The following DOCK3 variants were observed in gnomAD, a reference collection of about 807,000 sequenced individuals.
DOCK3 encodes dedicator of cytokinesis protein 3.
DOCK3 carries 60 observed loss-of-function variants against 265.6 expected under a neutral mutation model. That is an observed-to-expected ratio of 0.23 (90% CI 0.18 to 0.28). The LOEUF is 0.28. Among genes scored for constraint, DOCK3 ranks in the 10% least tolerant of loss-of-function variants. DOCK3 has a pLI of 1.00. For synonymous variants in DOCK3, 881 were observed against 938.0 expected (o/e 0.94, Z 1.11); for missense variants, 1,981 against 2,594.3 (o/e 0.76, Z 5.14).
intron 2 of DOCK3, among the ~76,000 whole-genome samples, chr3:50,798,248 T>C (rs1278684612): frequency 6.6e-6 from 1 of 152,102 alleles, no homozygotes; most frequent in East Asian, 1.9e-4. Flanking sequence ...AAGAGCAAAA[T>C]GTAGAGAAAA....
chr3:50,992,897 C>T (rs560062025), intron 5 of DOCK3, among the ~76,000 whole-genome samples: 5 of 152,102 alleles, frequency 3.3e-5, no homozygotes, highest in Admixed American at 1.3e-4. Flanking sequence ...ATTAGCCTAT[C>T]GATCAAAAAA....
chr3:50,978,500 GT>G (rs1559890640), intron 5 of DOCK3, among the ~76,000 whole-genome samples: 1 of 152,146 alleles, frequency 6.6e-6, no homozygotes, highest in African/African-American at 2.4e-5. Context: ...CAGTCTGCCC[GT>G]TCTCAGATCT....
At chr3:51,058,936 CTTTTA>C (rs1277244258) in intron 5 of DOCK3, among the ~76,000 whole-genome samples, 4 of 151,758 alleles carry the variant, frequency 2.6e-5, no homozygotes, top group African/African-American at 4.8e-5. Context: ...ATCATTTTAA[CTTTTA>C]TTTTAGATCT....
chr3:50,974,905 G>A, intron 5 of DOCK3, among the ~76,000 whole-genome samples: 1 of 122,346 alleles, frequency 8.2e-6, no homozygotes, highest in Non-Finnish European at 1.7e-5. Context: ...TGAAGCAATT[G>A]TGAATGGGAG....
At chr3:50,977,043 A>G (rs1469427918) in intron 5 of DOCK3, among the ~76,000 whole-genome samples, 4 of 149,632 alleles carry the variant, frequency 2.7e-5, no homozygotes, top group African/African-American at 7.3e-5. Flanking sequence ...GTGTCTCTGC[A>G]TGTGAGATGG....
intron 9 of DOCK3, among the ~76,000 whole-genome samples, chr3:51,139,675 ATAAT>A (rs2084961289): frequency 1.3e-5 from 2 of 152,232 alleles, no homozygotes; most frequent in African/African-American, 4.8e-5. Flanking sequence ...AAGAAAGAAA[ATAAT>A]TAGTTTGTGC....
chr3:51,232,353 T>C (rs1406349264), intron 19 of DOCK3, among the ~76,000 whole-genome samples: 1 of 152,218 alleles, frequency 6.6e-6, no homozygotes, highest in African/African-American at 2.4e-5. Flanking sequence ...CGTGTATCTT[T>C]TTCATGTAAT....
At chr3:50,687,495 A>G (rs2034909909) in intron 1 of DOCK3, among the ~76,000 whole-genome samples, 1 of 152,222 alleles carries the variant, frequency 6.6e-6, no homozygotes, top group African/African-American at 2.4e-5. Flanking sequence ...CTGGCCAGTG[A>G]TCTACCTTTA....
chr3:51,376,969 C>T (rs948413083), intron 51 of DOCK3, among the ~76,000 whole-genome samples: 1 of 152,268 alleles, frequency 6.6e-6, no homozygotes, highest in Non-Finnish European at 1.5e-5. Flanking sequence ...TGACCCAAAA[C>T]AGAGTGCCCT....
intron 5 of DOCK3, among the ~76,000 whole-genome samples, chr3:51,043,855 G>A (rs752308263): frequency 1.3e-5 from 2 of 152,002 alleles, no homozygotes; most frequent in Non-Finnish European, 2.9e-5. Context: ...TTAGAGAAAT[G>A]CAAATCAAAA....
chr3:51,264,267 A>G (rs951051751), intron 23 of DOCK3, among the ~76,000 whole-genome samples: 7 of 152,148 alleles, frequency 4.6e-5, no homozygotes, highest in African/African-American at 1.4e-4. Flanking sequence ...ACTCAAAACC[A>G]CACAACTACA....
intron 12 of DOCK3, among the ~76,000 whole-genome samples, chr3:51,202,852 G>C (rs1268780318): frequency 6.6e-6 from 1 of 151,308 alleles, no homozygotes; most frequent in East Asian, 1.9e-4. Context: ...GGGATGCAAG[G>C]CTGGTTCAAT....
chr3:51,164,807 GA>G (rs2086305850), intron 12 of DOCK3, among the ~76,000 whole-genome samples: 1 of 152,130 alleles, frequency 6.6e-6, no homozygotes, highest in Non-Finnish European at 1.5e-5. Context: ...GTGATGACTG[GA>G]AGGGAACTGC....
intron 12 of DOCK3, among the ~76,000 whole-genome samples, chr3:51,171,116 T>C (rs1473711116): frequency 6.6e-6 from 1 of 152,204 alleles, no homozygotes; most frequent in Non-Finnish European, 1.5e-5. Flanking sequence ...TATTTTTTAG[T>C]TCCTTGAGAT....
chr3:51,118,858 T>C (rs572400127), intron 9 of DOCK3, among the ~76,000 whole-genome samples: 1 of 152,276 alleles, frequency 6.6e-6, no homozygotes, highest in South Asian at 2.1e-4. Context: ...ATTTTGACCC[T>C]ATGTGTGTTT....
In DOCK3 at chr3:50,699,523, G is replaced by A. The variant is rs568443029; in HGVS notation, c.37+24223G>A. On this transcript the variant is annotated intron_variant, in intron 1 of 52. Coordinates refer to ENST00000266037, the MANE Select transcript of DOCK3 (RefSeq NM_004947.5). ...GCTGGAGTGCAGTGGCACGATCTCT[G>A]CTTGCTGCAACCTCTGCCTCCTGGG... 1.8e-4 allele frequency among the ~76,000 whole-genome samples: 27 copies of A among 147,806 alleles called. 1 individual carries two copies. The South Asian group carries it at 5.5e-3, about 30-fold the overall frequency.
intron 2 of DOCK3, among the ~76,000 whole-genome samples, chr3:50,805,393 A>C (rs2043348445): frequency 6.6e-6 from 1 of 152,124 alleles, no homozygotes; most frequent in Non-Finnish European, 1.5e-5. Flanking sequence ...TAGATCAGCC[A>C]ACTTGGGGTA....
At chr3:50,799,800 GT>G (rs1553663681) in intron 2 of DOCK3, among the ~76,000 whole-genome samples, 1 of 152,032 alleles carries the variant, frequency 6.6e-6, no homozygotes, top group Non-Finnish European at 1.5e-5. Context: ...AAAGCTTTCA[GT>G]TTTTTCCCCA....
At chr3:50,923,966 A>G (rs998484839) in intron 4 of DOCK3, among the ~76,000 whole-genome samples, 3 of 152,188 alleles carry the variant, frequency 2.0e-5, no homozygotes, top group African/African-American at 7.2e-5. Flanking sequence ...AAGACTTGTA[A>G]AAATCATGCC....
Sources: gnomAD v4.1 joint callset for allele counts (sites outside exome capture counted in the v4.1 genomes callset) on GRCh38, gnomAD v4.1.1 for gene constraint, MANE v1.5 for transcripts, NCBI Gene and HGNC (gene_info 2026-07-23, HGNC 2026-07-21) for gene names.